Variants in MGAT5B observed in about 807,000 individuals in gnomAD.
MGAT5B encodes alpha-1,6-mannosylglycoprotein 6-beta-N-acetylglucosaminyltransferase B.
MGAT5B carries 54 observed loss-of-function variants against 95.1 expected under a neutral mutation model. The observed-to-expected ratio is 0.57, with a 90% CI of 0.46 to 0.71. The LOEUF (loss-of-function observed/expected upper bound fraction) is 0.71, where lower values mean the gene tolerates loss of function less well. MGAT5B is among the 30% of genes least tolerant of loss of function. The probability of loss-of-function intolerance (pLI) is 0.00; values close to 1 mark genes in which losing one functional copy is unlikely to be tolerated. For missense variants in MGAT5B, 935 were observed against 1,088.6 expected, an observed-to-expected ratio of 0.86 and a Z score of 1.99; for synonymous variants, 464 against 451.0, an observed-to-expected ratio of 1.03 and a Z score of -0.36.
intron 10 of MGAT5B, among the ~76,000 whole-genome samples, chr17:76,931,673 C>A (rs1969479768): frequency 6.6e-6 from 1 of 152,090 alleles, no homozygotes; most frequent in East Asian, 1.9e-4. Flanking sequence ...GGAGGAGGAA[C>A]CTGATATGGC....
At chr17:76,929,846 C>T (rs1969426256) in intron 10 of MGAT5B, among the ~76,000 whole-genome samples, 1 of 152,194 alleles carries the variant, frequency 6.6e-6, no homozygotes, top group Non-Finnish European at 1.5e-5. Context: ...TAATTGGTTG[C>T]AATACTTCCC....
intron 3 of MGAT5B, among the ~76,000 whole-genome samples, chr17:76,884,853 C>T (rs964632753): frequency 2.6e-5 from 4 of 152,126 alleles, no homozygotes; most frequent in Non-Finnish European, 5.9e-5. Flanking sequence ...CCACCTGCCT[C>T]GGCTTCCCAA....
In MGAT5B at chr17:76,912,138, C is replaced by T. The variant is rs62077160; in HGVS notation, c.1025+5951C>T. ...ATTAGGGCCCACCCTAATGCCCTCA[C>T]GTTAACTCCATTACCTCTGTAAGGA... On this transcript the variant is annotated intron_variant, in intron 8 of 17. Coordinates refer to ENST00000569840, the MANE Select transcript of MGAT5B (RefSeq NM_001199172.2). The surrounding 1 kb of genome is among the most constrained non-coding windows in gnomAD (Gnocchi z 5.0). Among the ~76,000 whole-genome samples the T allele has an allele frequency of 0.15, 22,898 of 152,168 alleles. 2,333 individuals are homozygous for T. The highest frequency in any genetic ancestry group is 0.27 in the African/African-American group (11,150 of 41,468).
intron 2 of MGAT5B, among the ~76,000 whole-genome samples, chr17:76,875,395 C>T (rs1304444034): frequency 2.6e-5 from 4 of 152,100 alleles, no homozygotes; most frequent in African/African-American, 7.2e-5. Context: ...TCGGTACTTC[C>T]CCTTCCTGCT....
chr17:76,875,309 C>T (rs953896763), intron 2 of MGAT5B, among the ~76,000 whole-genome samples: 3 of 152,070 alleles, frequency 2.0e-5, no homozygotes, highest in Non-Finnish European at 4.4e-5. Flanking sequence ...GGTGGTTTAC[C>T]TTGGTGCTGT....
intron 17 of MGAT5B, 89 bp from the exon 18 acceptor site, chr17:76,948,551 G>A (rs1411420803): frequency 1.5e-6 from 2 of 1,329,384 alleles, no homozygotes; most frequent in Non-Finnish European, 2.1e-6. Context: ...GGAGCAGGCA[G>A]GACTAGGCTG....
intron 2 of MGAT5B, among the ~76,000 whole-genome samples, chr17:76,876,771 ATTC>A (rs778955553): frequency 1.3e-5 from 2 of 152,174 alleles, no homozygotes; most frequent in Non-Finnish European, 2.9e-5. Flanking sequence ...CATCTTAAAG[ATTC>A]AAGAGAGGAG....
Position 76,869,208 on chromosome 17 carries a change from T to G in MGAT5B, c.68+111T>G. On this transcript the variant is annotated intron_variant, in intron 1 of 17. Transcript: ENST00000569840. This position sits in a 1 kb window ranked among gnomAD's most constrained non-coding sequence, Gnocchi z 7.0. ...TGGTGGCAGAGGGGGCGGTTCACAC[T>G]TCAACCCCTGGTGATGACCAGTGGG... The G allele has an allele frequency of 1.0e-6, 1 of 955,184 alleles. No homozygotes were observed. The highest frequency in any genetic ancestry group is 1.7e-6 in the Non-Finnish European group (1 of 590,602). 59.2% of individuals were successfully genotyped at this position (955,184 alleles called of 1,614,324 possible). A position where few individuals can be genotyped will look rare whatever the true frequency, so the allele number is the denominator to read the frequency against.
At chr17:76,904,655 A>G (rs1415075117) in intron 6 of MGAT5B, among the ~76,000 whole-genome samples, 1 of 152,196 alleles carries the variant, frequency 6.6e-6, no homozygotes, top group African/African-American at 2.4e-5. Flanking sequence ...GGGGGCCTGG[A>G]GATGCCCCCT....
chr17:76,928,229 T>G (rs751638790), intron 10 of MGAT5B, among the ~76,000 whole-genome samples: 1 of 151,976 alleles, frequency 6.6e-6, no homozygotes, highest in East Asian at 1.9e-4. Context: ...CAAGGTTGCA[T>G]GAGACTTCTT....
At position 76,905,178 on chromosome 17, in the gene MGAT5B, C is replaced by A. The variant is rs768988338; in HGVS notation, c.700C>A (p.Arg234=). The change falls in exon 7 of 18, where the codon CGA becomes AGA. Residue 234 remains arginine, a synonymous_variant. Transcript: ENST00000569840. This position sits in a 1 kb window ranked among gnomAD's most constrained non-coding sequence, Gnocchi z 4.2. ...KPLPKVQAVF[R]SNLSHLLDLM... ...GTCTGGACCCCTCCAGGCAGTTTTCCGAAGCAACCTGTCCCACCTTCTGGA... is the reference window on the plus strand; with the variant it reads ...GTCTGGACCCCTCCAGGCAGTTTTCAGAAGCAACCTGTCCCACCTTCTGGA... The A allele has an allele frequency of 6.2e-7, 1 of 1,609,976 alleles. No homozygotes were observed.
Position 76,948,672 on chromosome 17 carries a change from A to G in MGAT5B, c.2213A>G (p.Glu738Gly). 6.2e-7 allele frequency: 1 copy of G among 1,613,268 alleles called. No homozygotes were observed. The highest frequency in any genetic ancestry group is 8.5e-7 in the Non-Finnish European group (1 of 1,179,830). ...LQVPCDSTES[E>G]MNHLYPAFAQ... Reference sequence around the variant, plus strand: ...GTGCCCTGTGACAGCACCGAGTCGGAGATGAACCACCTGTACCCGGCGTTC... The same window carrying G: ...GTGCCCTGTGACAGCACCGAGTCGGGGATGAACCACCTGTACCCGGCGTTC... Residue 738 changes from glutamate (E) to glycine (G), a missense_variant, in exon 18 of 18, where the codon GAG (glutamate) becomes GGG (glycine). By Grantham distance (98) the Glu-to-Gly change is moderately conservative. Coordinates refer to ENST00000569840, the MANE Select transcript of MGAT5B (RefSeq NM_001199172.2).
rs2145153200 is a variant in MGAT5B, at chr17:76,889,230, C to T, written c.329+6932C>T. Among the ~76,000 whole-genome samples the T allele has an allele frequency of 6.6e-6, 1 of 152,208 alleles. No individual in the cohort carries two copies. Among genetic ancestry groups the T allele is most frequent in the Non-Finnish European group, 1.5e-5 (1 of 68,008 alleles). ...AGCTCGCCGTGTGACCTTGGGAAAG[C>T]CACTATATCTGCCAGACATCCTGGG... On this transcript the variant is annotated intron_variant, in intron 3 of 17. Transcript: ENST00000569840. This position sits in a 1 kb window ranked among gnomAD's most constrained non-coding sequence, Gnocchi z 4.4.
chr17:76,905,128 G>T lies in MGAT5B; in HGVS notation c.691-41G>T. ...AGGCCAGCGGGGAATGATGGTGGCC[G>T]CAGGTTGAGGGGCAGAGAGCTGAGG... is the stretch of plus-strand genomic sequence containing the variant. On this transcript the variant is annotated intron_variant, in intron 6 of 17. Coordinates refer to ENST00000569840, the MANE Select transcript of MGAT5B (RefSeq NM_001199172.2). The surrounding 1 kb of genome is among the most constrained non-coding windows in gnomAD (Gnocchi z 4.2). 6.4e-7 allele frequency: 1 copy of T among 1,563,724 alleles called. No individual in the cohort carries two copies. Among genetic ancestry groups the T allele is most frequent in the Non-Finnish European group, 8.7e-7 (1 of 1,148,368 alleles).
At chr17:76,896,959 C>T (rs1424672481) in intron 3 of MGAT5B, among the ~76,000 whole-genome samples, 1 of 152,104 alleles carries the variant, frequency 6.6e-6, no homozygotes, top group Non-Finnish European at 1.5e-5. Context: ...TGTTCTGTCA[C>T]CCAGGCTGGA....
At chr17:76,879,136 G>A (rs1967311051) in intron 2 of MGAT5B, among the ~76,000 whole-genome samples, 1 of 152,238 alleles carries the variant, frequency 6.6e-6, no homozygotes, top group Non-Finnish European at 1.5e-5. Flanking sequence ...TGCTCAATGG[G>A]ACTGGGAGCG....
chr17:76,881,357 T>TG (rs1326618012), intron 2 of MGAT5B, among the ~76,000 whole-genome samples: 5 of 152,308 alleles, frequency 3.3e-5, no homozygotes, highest in African/African-American at 1.2e-4. Context: ...AACCTGCCCT[T>TG]GTCAGTTGAT....
At chr17:76,886,999 G>A (rs1169764118) in intron 3 of MGAT5B, among the ~76,000 whole-genome samples, 5 of 152,174 alleles carry the variant, frequency 3.3e-5, no homozygotes, top group South Asian at 4.2e-4. Context: ...AGCTGAGATC[G>A]CACCATTGCA....
chr17:76,907,428 C>G (rs1459897625), intron 8 of MGAT5B, among the ~76,000 whole-genome samples: 3 of 152,164 alleles, frequency 2.0e-5, no homozygotes, highest in African/African-American at 7.2e-5. Flanking sequence ...TTGTTTTGTT[C>G]TGGTTTCAAG....
Sources: gnomAD v4.1 joint callset for allele counts (sites outside exome capture counted in the v4.1 genomes callset) on GRCh38, gnomAD v4.1.1 for gene constraint, Gnocchi (gnomAD v3.1) non-coding constraint, MANE v1.5 for transcripts, NCBI Gene and HGNC (gene_info 2026-07-23, HGNC 2026-07-21) for gene names.